The following QTMAN variants were observed in gnomAD, a reference collection of about 807,000 sequenced individuals.
QTMAN encodes tRNA-queuosine alpha-mannosyltransferase.
the QTMAN span, among the ~76,000 whole-genome samples, chr2:144,259,221 C>T: frequency 6.6e-6 from 1 of 152,178 alleles, no homozygotes; most frequent in South Asian, 2.1e-4. Context: ...TGCAGTGGCA[C>T]AATCTCAGCT....
chr2:144,075,839 C>T, the QTMAN span, among the ~76,000 whole-genome samples: 1 of 152,202 alleles, frequency 6.6e-6, no homozygotes, highest in African/African-American at 2.4e-5. Flanking sequence ...TGATTTGAGA[C>T]AGAACCAGAA....
chr2:144,102,863 T>C, the QTMAN span, among the ~76,000 whole-genome samples: 1 of 152,056 alleles, frequency 6.6e-6, no homozygotes, highest in African/African-American at 2.4e-5. Flanking sequence ...GAAATACAAA[T>C]ATATAAAACA....
chr2:144,284,528 G>T, the QTMAN span, among the ~76,000 whole-genome samples: 1 of 151,994 alleles, frequency 6.6e-6, no homozygotes, highest in Admixed American at 6.6e-5. Context: ...CTGCCTCTGA[G>T]TAATGGAATC....
the QTMAN span, among the ~76,000 whole-genome samples, chr2:143,947,483 C>T: frequency 2.0e-5 from 3 of 152,240 alleles, no homozygotes; most frequent in East Asian, 1.9e-4. Flanking sequence ...ACACAAGACA[C>T]GTAACACTGT....
At chr2:144,114,040 A>T in the QTMAN span, among the ~76,000 whole-genome samples, 1 of 152,178 alleles carries the variant, frequency 6.6e-6, no homozygotes, top group Non-Finnish European at 1.5e-5. Flanking sequence ...GGCTTCTCAC[A>T]TCCCAGACTT....
At chr2:144,090,662 T>C in the QTMAN span, among the ~76,000 whole-genome samples, 1 of 152,044 alleles carries the variant, frequency 6.6e-6, no homozygotes, top group Non-Finnish European at 1.5e-5. Flanking sequence ...AAAAGATGTA[T>C]TAAATATATC....
chr2:143,984,164 G>C, the QTMAN span, among the ~76,000 whole-genome samples: 2 of 152,158 alleles, frequency 1.3e-5, no homozygotes, highest in East Asian at 1.9e-4. Context: ...TCATAGAAAA[G>C]TGACAACTGA....
the QTMAN span, among the ~76,000 whole-genome samples, chr2:144,174,912 C>T: frequency 1.3e-5 from 2 of 152,022 alleles, no homozygotes; most frequent in East Asian, 1.9e-4. Flanking sequence ...ACTAATACAA[C>T]CACAGCAGTA....
At chr2:144,151,133 T>C in the QTMAN span, among the ~76,000 whole-genome samples, 24 of 152,194 alleles carry the variant, frequency 1.6e-4, no homozygotes, top group African/African-American at 5.8e-4. Context: ...CAAAATCTTA[T>C]ATGTACATTA....
the QTMAN span, among the ~76,000 whole-genome samples, chr2:144,297,381 T>C: frequency 6.6e-6 from 1 of 152,094 alleles, no homozygotes; most frequent in Admixed American, 6.5e-5. Flanking sequence ...TTACACTTAC[T>C]CAAGAATAAA....
the QTMAN span, chr2:144,141,892 C>T: frequency 6.2e-7 from 1 of 1,610,220 alleles, no homozygotes; most frequent in Non-Finnish European, 8.5e-7. Context: ...CTGCTCACAT[C>T]AGGAAACCTG....
chr2:144,105,497 G>C, the QTMAN span, among the ~76,000 whole-genome samples: 6 of 152,078 alleles, frequency 3.9e-5, no homozygotes, highest in African/African-American at 1.5e-4. Flanking sequence ...TGGAAGAAAG[G>C]GTATCAGTGA....
chr2:144,234,849 TG>T, the QTMAN span, among the ~76,000 whole-genome samples: 5 of 151,996 alleles, frequency 3.3e-5, no homozygotes, highest in African/African-American at 1.2e-4. Flanking sequence ...AGTGAGAACA[TG>T]GGGAAGGAAT....
the QTMAN span, among the ~76,000 whole-genome samples, chr2:143,995,228 T>C: frequency 8.2e-4 from 125 of 152,292 alleles, no homozygotes; most frequent in Non-Finnish European, 1.3e-3. Context: ...TGCTCTGTAG[T>C]TTAATTCCAT....
At chr2:144,148,815 AC>A in the QTMAN span, among the ~76,000 whole-genome samples, 1 of 151,930 alleles carries the variant, frequency 6.6e-6, no homozygotes, top group Non-Finnish European at 1.5e-5. Flanking sequence ...CCCATTTGAG[AC>A]TGCCCACGCC....
At chr2:144,277,575 ATATAC>A in the QTMAN span, among the ~76,000 whole-genome samples, 1 of 152,180 alleles carries the variant, frequency 6.6e-6, no homozygotes, top group African/African-American at 2.4e-5. Context: ...AATAAAATTT[ATATAC>A]TATAAGCTAA....
the QTMAN span, among the ~76,000 whole-genome samples, chr2:144,151,035 G>A: frequency 8.5e-5 from 13 of 152,232 alleles, no homozygotes; most frequent in East Asian, 2.3e-3. Flanking sequence ...AAATAAGGGT[G>A]AAGATTCAAA....
chr2:143,939,921 A>AC, the QTMAN span: 1 of 152,042 alleles, frequency 6.6e-6, no homozygotes, highest in Non-Finnish European at 1.5e-5. Flanking sequence ...CTTTTCTTTG[A>AC]CCATGTTTGT....
the QTMAN span, among the ~76,000 whole-genome samples, chr2:143,947,477 A>G: frequency 6.6e-6 from 1 of 152,212 alleles, no homozygotes; most frequent in African/African-American, 2.4e-5. Context: ...ATATAAACAC[A>G]AGACACGTAA....
Sources: allele counts gnomAD v4.1 joint callset (sites outside exome capture counted in the v4.1 genomes callset), GRCh38; gene constraint gnomAD v4.1.1; transcripts MANE v1.5; gene names NCBI Gene and HGNC (gene_info 2026-07-23, HGNC 2026-07-21).